Variants in ENOSF1 observed in about 807,000 individuals in gnomAD.
ENOSF1 encodes enolase superfamily member 1.
ENOSF1 carries 73 observed loss-of-function variants against 68.2 expected under a neutral mutation model. That is an observed-to-expected ratio of 1.07 (90% CI 0.89 to 1.30). ENOSF1 has a LOEUF of 1.30. Among genes scored for constraint, ENOSF1 ranks in the 50% most tolerant of loss-of-function variants. ENOSF1 has a pLI of 0.00. For missense variants in ENOSF1, 589 were observed against 554.5 expected (o/e 1.06, Z -0.62); for synonymous variants, 223 against 210.4 (o/e 1.06, Z -0.52).
rs375256557 is a variant in ENOSF1 at position 693,878 on chromosome 18, T to C, written c.423+4A>G. On this transcript the variant is annotated splice_donor_region_variant and intron_variant, in intron 5 of 15. Coordinates refer to ENST00000647584, the MANE Select transcript of ENOSF1 (RefSeq NM_017512.7). ...ACAATTGTAACATTAACAATGCTAC[T>C]CACCATGTCCACAAGTAACTTCCAG... 6 of 1,614,024 alleles carry C rather than the reference T, an allele frequency of 3.7e-6. No homozygotes were observed. Among genetic ancestry groups the C allele is most frequent in the African/African-American group, 1.3e-5 (1 of 75,030 alleles).
chr18:687,380 G>A (rs2076711333), intron 9 of ENOSF1: 1 of 152,258 alleles, frequency 6.6e-6, no homozygotes, highest in Admixed American at 6.5e-5. Flanking sequence ...ATCACTAGGG[G>A]ATCTTGTTCC....
intron 10 of ENOSF1, 33 bp from the exon 11 acceptor site, chr18:683,413 C>T (rs748621941): frequency 6.2e-7 from 1 of 1,611,240 alleles, no homozygotes; most frequent in Non-Finnish European, 8.5e-7. Context: ...GGGAGGTCAG[C>T]CCTGAGCCAA....
At chr18:674,903 G>C (rs1256432927) in intron 15 of ENOSF1, among the ~76,000 whole-genome samples, 1 of 152,238 alleles carries the variant, frequency 6.6e-6, no homozygotes. Context: ...ACTTGCCAGA[G>C]TTAGTTAACT....
chr18:686,311 A>G (rs2076606853), intron 9 of ENOSF1: 1 of 335,808 alleles, frequency 3.0e-6, no homozygotes, highest in Non-Finnish European at 5.5e-6. Context: ...AGGAATTAAG[A>G]ACAAAAAAGC....
In ENOSF1 at chr18:712,320, CG is replaced by C; in HGVS notation, c.84+183del. The C allele has an allele frequency of 5.1e-5, 15 of 296,712 alleles. 6 individuals are homozygous for C. The highest frequency in any genetic ancestry group is 4.3e-5 in the Non-Finnish European group (10 of 230,074). 18.4% of individuals were successfully genotyped at this position (296,712 alleles called of 1,614,324 possible). On this transcript the variant is annotated intron_variant, in intron 1 of 15. Transcript: ENST00000647584. ...TGCCCGGGGCCCGCAGAGCTGCAGT[CG>C]GCGGGGCGGGAGGGACCCGGGCCGC...
At chr18:684,176 T>C (rs648582) in intron 10 of ENOSF1, among the ~76,000 whole-genome samples, 1 of 151,854 alleles carries the variant, frequency 6.6e-6, no homozygotes, top group African/African-American at 2.4e-5. Flanking sequence ...TTTGTATTTT[T>C]AGTAGAGACG....
At chr18:706,318 G>T (rs2078929338) in intron 2 of ENOSF1, 152 bp downstream of exon 2, 2 of 445,148 alleles carry the variant, frequency 4.5e-6, no homozygotes, top group Non-Finnish European at 7.6e-6. Flanking sequence ...AACAAACCAT[G>T]AAACTTTTTA....
chr18:671,441 T>G lies in ENOSF1; in HGVS notation c.*2864A>C, dbSNP rs1390986435. 6.2e-7 allele frequency: 1 copy of G among 1,608,912 alleles called. No individual in the cohort carries two copies. Among genetic ancestry groups the G allele is most frequent in the Non-Finnish European group, 8.5e-7 (1 of 1,176,972 alleles). On this transcript the variant is annotated 3_prime_UTR_variant, in exon 16 of 16. Coordinates refer to ENST00000647584, the MANE Select transcript of ENOSF1 (RefSeq NM_017512.7). ...ATTTACCTGAATCACATCGAGCCAC[T>G]GAAAATTCAGGTAAGAATTAGATGT...
chr18:706,146 C>G (rs1479175502), intron 2 of ENOSF1, among the ~76,000 whole-genome samples: 2 of 152,160 alleles, frequency 1.3e-5, no homozygotes, highest in East Asian at 3.9e-4. Context: ...TGTCAAAGCT[C>G]GACAGTGGCC....
At chr18:700,052 C>T (rs1031779769) in intron 2 of ENOSF1, among the ~76,000 whole-genome samples, 1 of 152,110 alleles carries the variant, frequency 6.6e-6, no homozygotes, top group Non-Finnish European at 1.5e-5. Context: ...TGCACTCCAG[C>T]CTGGGCAACA....
Position 673,158 on chromosome 18 carries a change from G to GT in ENOSF1, c.*1146dup, listed in dbSNP as rs2144427713. The GT allele has an allele frequency of 2.8e-6, 2 of 703,620 alleles. No individual in the cohort carries two copies. Among genetic ancestry groups the GT allele is most frequent in the Non-Finnish European group, 4.3e-6 (2 of 461,312 alleles). 43.6% of individuals were successfully genotyped at this position (703,620 alleles called of 1,614,324 possible). On this transcript the variant is annotated 3_prime_UTR_variant, in exon 16 of 16. Coordinates refer to ENST00000647584, the MANE Select transcript of ENOSF1 (RefSeq NM_017512.7). ...TTTAAGGATGTTGCCACTGGCAAAT[G>GT]TAACTGTGCCAGTTCTTTCCATAAT...
In ENOSF1 at chr18:671,660, G is replaced by C. The variant is rs1046364845; in HGVS notation, c.*2645C>G. On this transcript the variant is annotated 3_prime_UTR_variant, in exon 16 of 16. Transcript: ENST00000647584. ...ATGGGCACTTAACATGTCAGGTGCT[G>C]TGAGGTACTAAGCACCAGTACCAGA... is the stretch of plus-strand genomic sequence containing the variant. The C allele has an allele frequency of 8.5e-6, 5 of 588,832 alleles. No homozygotes were observed. The African/African-American group carries it at 9.5e-5, about 11-fold the overall frequency. 36.5% of individuals were successfully genotyped at this position (588,832 alleles called of 1,614,324 possible).
chr18:692,610 A>AG (rs897619630), intron 5 of ENOSF1: 2 of 688,990 alleles, frequency 2.9e-6, no homozygotes, highest in African/African-American at 4.1e-5. Flanking sequence ...AAAAAAAAAA[A>AG]GAAAGAAAGA....
chr18:686,102 AT>A (rs1442293621), intron 9 of ENOSF1, 94 bp from the exon 10 acceptor site: 1 of 851,076 alleles, frequency 1.2e-6, no homozygotes, highest in Non-Finnish European at 2.0e-6. Flanking sequence ...TCTGTCAACA[AT>A]TCACAGATAT....
rs944577294 is a variant in ENOSF1, at chr18:675,491, C to T, written c.1149-89G>A. On this transcript the variant is annotated intron_variant, in intron 14 of 15. Coordinates refer to ENST00000647584, the MANE Select transcript of ENOSF1 (RefSeq NM_017512.7). ...CTTAAAGCAGAAGGAGCGAGTACCA[C>T]TCAATTGACAGTGTTGGCCAAGGCT... 22 of 1,135,044 alleles carry T rather than the reference C, an allele frequency of 1.9e-5. No individual in the cohort carries two copies. In the African/African-American group the frequency reaches 2.9e-4, roughly 15 times the overall value. 70.3% of individuals were successfully genotyped at this position (1,135,044 alleles called of 1,614,324 possible). A position where few individuals can be genotyped will look rare whatever the true frequency, so the allele number is the denominator to read the frequency against.
chr18:678,624 G>A (rs1249652663), intron 12 of ENOSF1, 72 bp downstream of exon 12: 1 of 1,470,168 alleles, frequency 6.8e-7, no homozygotes, highest in African/African-American at 1.4e-5. Context: ...ACACACAACT[G>A]TGTCCTCGGT....
chr18:664,832 G>A, the ENOSF1 span, among the ~76,000 whole-genome samples: 95 of 140,636 alleles, frequency 6.8e-4, no homozygotes, highest in African/African-American at 2.7e-3. Context: ...ATTGATTTGT[G>A]TATATTGAAC....
chr18:689,621 C>T (rs571062995), intron 8 of ENOSF1, among the ~76,000 whole-genome samples: 1 of 152,232 alleles, frequency 6.6e-6, no homozygotes, highest in African/African-American at 2.4e-5. Context: ...TATTAAATTT[C>T]TCCCAGAGAG....
chr18:690,399 A>C, intron 8 of ENOSF1, 150 bp downstream of exon 8: 2 of 803,622 alleles, frequency 2.5e-6, no homozygotes, highest in African/African-American at 1.7e-5. Context: ...GTGTCCACAG[A>C]GAAGTGGAGA....
Sources: allele counts gnomAD v4.1 joint callset (sites outside exome capture counted in the v4.1 genomes callset), GRCh38; gene constraint gnomAD v4.1.1; transcripts MANE v1.5; gene names NCBI Gene and HGNC (gene_info 2026-07-23, HGNC 2026-07-21).